SLC12A7: variants seen among roughly 807,000 people sequenced by gnomAD.
SLC12A7 encodes solute carrier family 12 member 7.
SLC12A7 carries 100 observed loss-of-function variants against 120.6 expected under a neutral mutation model. The observed-to-expected ratio is 0.83, with a 90% CI of 0.71 to 0.98. The LOEUF (loss-of-function observed/expected upper bound fraction) is 0.98, where lower values mean the gene tolerates loss of function less well. Ranked by LOEUF, SLC12A7 falls within the 50% of genes least tolerant of loss-of-function variation. SLC12A7 has a pLI of 0.00. For synonymous variants in SLC12A7, 760 were observed against 678.0 expected (o/e 1.12, Z -1.88); for missense variants, 1,373 against 1,548.1 (o/e 0.89, Z 1.90).
At chr5:1,105,463 G>A (rs1322355700) in intron 1 of SLC12A7, among the ~76,000 whole-genome samples, 1 of 152,224 alleles carries the variant, frequency 6.6e-6, no homozygotes, top group East Asian at 1.9e-4. Flanking sequence ...GGACCCTGCC[G>A]TGGGCCTGCC....
At chr5:1,114,504 AC>A (rs1476085109), upstream of SLC12A7, among the ~76,000 whole-genome samples, 2 of 152,104 alleles carry the variant, frequency 1.3e-5, no homozygotes, top group South Asian at 4.2e-4. Context: ...TTCCGTGTCC[AC>A]GTATATCCTC....
chr5:1,095,587 C>T (rs923972313), intron 1 of SLC12A7, among the ~76,000 whole-genome samples: 7 of 152,214 alleles, frequency 4.6e-5, no homozygotes, highest in African/African-American at 1.7e-4. Context: ...GGTGTGGGAC[C>T]CTGAGGGTGC....
intron 20 of SLC12A7, among the ~76,000 whole-genome samples, chr5:1,060,915 T>C (rs1463917918): frequency 4.4e-4 from 55 of 125,224 alleles, no homozygotes; most frequent in Middle Eastern, 4.0e-3. Flanking sequence ...GTCTCACCCA[T>C]TGCACCCACC....
At chr5:1,103,592 T>C (rs1476082179) in intron 1 of SLC12A7, among the ~76,000 whole-genome samples, 8 of 152,318 alleles carry the variant, frequency 5.3e-5, no homozygotes, top group South Asian at 4.1e-4. Context: ...CACACGCACC[T>C]GTCCTCACAT....
intron 8 of SLC12A7, among the ~76,000 whole-genome samples, chr5:1,082,237 AGCCTGGGCTTCCTCTCT>A: frequency 6.8e-6 from 1 of 147,292 alleles, no homozygotes; most frequent in Non-Finnish European, 1.5e-5. Flanking sequence ...GGTTCTGGAA[AGCCTGGGCTTCCTCTCT>A]AGGGTTCTGG....
At chr5:1,090,230 C>G (rs898866572) in intron 3 of SLC12A7, among the ~76,000 whole-genome samples, 1 of 152,184 alleles carries the variant, frequency 6.6e-6, no homozygotes, top group Non-Finnish European at 1.5e-5. Flanking sequence ...CGTGCCGGAA[C>G]GCCTCCCACA....
chr5:1,078,460 G>A, intron 11 of SLC12A7: 1 of 594,756 alleles, frequency 1.7e-6, no homozygotes, highest in Non-Finnish European at 3.0e-6. Context: ...TCCCCAGGAA[G>A]GGCCTGCGCC....
chr5:1,093,902 G>A (rs1288233384), intron 2 of SLC12A7, among the ~76,000 whole-genome samples: 1 of 152,196 alleles, frequency 6.6e-6, no homozygotes, highest in African/African-American at 2.4e-5. Flanking sequence ...CAGCAGCTCA[G>A]AGGGGTTCCC....
rs139195330 is a variant in SLC12A7 at position 1,064,197 on chromosome 5, G to A, written c.2493C>T (p.Val831=). Reference sequence around the variant, plus strand: ...GCTCCTGGTTTTGCGGAAACGAGTCGACGTTCTTGGCCACCAGCAGAGCCT... The same window carrying A: ...GCTCCTGGTTTTGCGGAAACGAGTCAACGTTCTTGGCCACCAGCAGAGCCT... ...AHQALLVAKN[V]DSFPQNQERF... The change falls in exon 19 of 24, where the codon GTC becomes GTT. Residue 831 remains valine, a synonymous_variant. Coordinates refer to ENST00000264930, the MANE Select transcript of SLC12A7 (RefSeq NM_006598.3). The A allele has an allele frequency of 9.8e-5, 158 of 1,612,256 alleles. No homozygotes were observed. Among genetic ancestry groups the A allele is most frequent in the Middle Eastern group, 1.6e-4 (1 of 6,082 alleles).
chr5:1,089,237 G>A (rs1740233324), intron 3 of SLC12A7, 109 bp from the exon 4 acceptor site: 2 of 1,180,660 alleles, frequency 1.7e-6, no homozygotes, highest in Non-Finnish European at 1.2e-6. Context: ...GTGGGGGCAG[G>A]AGGGGGCAGG....
At chr5:1,066,657 G>A (rs1220166651) in intron 17 of SLC12A7, among the ~76,000 whole-genome samples, 1 of 152,176 alleles carries the variant, frequency 6.6e-6, no homozygotes, top group Non-Finnish European at 1.5e-5. Context: ...GAGCATCCTG[G>A]GTCAGAGGTG....
intron 1 of SLC12A7, among the ~76,000 whole-genome samples, chr5:1,096,814 A>AGGGAGGAAGGAAAGGAGGGAGGG (rs1561098307): frequency 5.2e-5 from 2 of 38,688 alleles, no homozygotes; most frequent in Non-Finnish European, 5.6e-5. Flanking sequence ...GGAAGGAAGG[A>AGGGAGGAAGGAAAGGAGGGAGGG]GGGAAGGGAG....
Position 1,081,716 on chromosome 5 carries a change from C to T in SLC12A7, c.1158G>A (p.Ala386=), listed in dbSNP as rs370417695. 225 of 1,612,806 alleles carry T rather than the reference C, an allele frequency of 1.4e-4. 1 individual carries two copies. The highest frequency in any genetic ancestry group is 1.8e-4 in the Non-Finnish European group (212 of 1,179,956). The change falls in exon 9 of 24, where the codon GCG becomes GCA. Residue 386 remains alanine (A), a synonymous_variant. Coordinates refer to ENST00000264930, the MANE Select transcript of SLC12A7 (RefSeq NM_006598.3). ...CACCTTTCTTCTCCACAAACGCCCC[C>T]GCGTGCGCGTACGTACTCCACAGGT... is the stretch of plus-strand genomic sequence containing the variant. ...LENLWSTYAH[A]GAFVEKKGVP...
chr5:1,057,430 C>A, intron 22 of SLC12A7, 41 bp downstream of exon 22: 1 of 1,567,732 alleles, frequency 6.4e-7, no homozygotes, highest in Admixed American at 1.8e-5. Flanking sequence ...GCCAGCACTG[C>A]CAGGATCTGT....
chr5:1,106,532 C>T (rs1365071418), intron 1 of SLC12A7, among the ~76,000 whole-genome samples: 1 of 152,138 alleles, frequency 6.6e-6, no homozygotes. Flanking sequence ...AGCCAGCTGG[C>T]CTCACAGACG....
At chr5:1,142,297 C>G in the SLC12A7 span, among the ~76,000 whole-genome samples, 2 of 114,002 alleles carry the variant, frequency 1.8e-5, no homozygotes, top group Non-Finnish European at 3.7e-5. Context: ...TCCCCTCCCC[C>G]CTCGCCCCTC....
chr5:1,069,988 A>ATGCAGCCCCCAGTGAGCCCCCAGC (rs368635471), intron 17 of SLC12A7, among the ~76,000 whole-genome samples: 1 of 128,250 alleles, frequency 7.8e-6, no homozygotes, highest in African/African-American at 4.0e-5. Context: ...CATCACACTT[A>ATGCAGCCCCCAGTGAGCCCCCAGC]ACGCAGCCCC....
intron 7 of SLC12A7, 149 bp downstream of exon 7, chr5:1,085,083 G>A (rs1485156370): frequency 7.1e-6 from 8 of 1,123,308 alleles, no homozygotes; most frequent in Admixed American, 2.7e-5. Flanking sequence ...TCCCCAGAAC[G>A]AGCCCACGGG....
intron 17 of SLC12A7, among the ~76,000 whole-genome samples, chr5:1,067,356 G>T (rs1047633413): frequency 6.6e-6 from 1 of 152,234 alleles, no homozygotes; most frequent in Non-Finnish European, 1.5e-5. Flanking sequence ...GGGCAGGAAG[G>T]CACAGGGAAG....
Sources: allele counts gnomAD v4.1 joint callset (sites outside exome capture counted in the v4.1 genomes callset), GRCh38; gene constraint gnomAD v4.1.1; transcripts MANE v1.5; gene names NCBI Gene and HGNC (gene_info 2026-07-23, HGNC 2026-07-21).